Variants in CBLN2 observed in about 807,000 individuals in gnomAD.
CBLN2 encodes the protein cerebellin-2.
In CBLN2, 7 loss-of-function variants were observed where a neutral mutation model predicts 15.0. The observed-to-expected ratio is 0.47, with a 90% confidence interval of 0.27 to 0.88. The LOEUF is 0.88. Among genes scored for constraint, CBLN2 ranks in the 40% least tolerant of loss-of-function variants. The pLI, the probability that CBLN2 is intolerant of heterozygous loss-of-function variation, is 0.14. For synonymous variants in CBLN2, 149 were observed against 135.2 expected, an observed-to-expected ratio of 1.10 and a Z score of -0.71; for missense variants, 242 against 304.5, an observed-to-expected ratio of 0.79 and a Z score of 1.53.
At chr18:72,575,708 C>A (rs933484544) in intron 1 of CBLN2, among the ~76,000 whole-genome samples, 1 of 151,912 alleles carries the variant, frequency 6.6e-6, no homozygotes, top group Non-Finnish European at 1.5e-5. Context: ...AGGATGCAGG[C>A]GATTTTGTTG....
Position 72,574,224 on chromosome 18 carries a change from A to G in CBLN2, c.16-35452T>C, listed in dbSNP as rs372850479. Among the ~76,000 whole-genome samples the G allele has an allele frequency of 5.3e-5, 8 of 152,178 alleles. No homozygotes were observed. In the South Asian group the frequency reaches 1.0e-3, roughly 20 times the overall value. On this transcript the variant is annotated intron_variant, in intron 1 of 2. Transcript: ENST00000581073. ...TGCCTTTTGCAAATATTTTCTTTCA[A>G]TCTGGTCTTTCTTTATGTTCTCTTG...
chr18:72,613,606 G>A (rs1331668890), intron 1 of CBLN2, among the ~76,000 whole-genome samples: 1 of 152,110 alleles, frequency 6.6e-6, no homozygotes. Context: ...ACAATGCTGG[G>A]GTCAGAAGGA....
intron 1 of CBLN2, among the ~76,000 whole-genome samples, chr18:72,614,234 A>C (rs537964715): frequency 1.3e-5 from 2 of 152,308 alleles, no homozygotes; most frequent in Non-Finnish European, 2.9e-5. Flanking sequence ...CTTAAAAGCT[A>C]TTTATACATT....
At chr18:72,609,315 TGTG>T (rs1302813132) in intron 1 of CBLN2, among the ~76,000 whole-genome samples, 1 of 152,012 alleles carries the variant, frequency 6.6e-6, no homozygotes, top group Non-Finnish European at 1.5e-5. Context: ...AAGATATAAT[TGTG>T]GTAAAATGAG....
intron 1 of CBLN2, chr18:72,619,218 T>G: frequency 1.1e-6 from 1 of 929,046 alleles, no homozygotes; most frequent in Non-Finnish European, 1.7e-6. Context: ...TGGCAGAAGA[T>G]TTTAATTACA....
intron 1 of CBLN2, among the ~76,000 whole-genome samples, chr18:72,571,953 A>G (rs1439463392): frequency 6.6e-6 from 1 of 152,206 alleles, no homozygotes; most frequent in Non-Finnish European, 1.5e-5. Flanking sequence ...CTCATATTTT[A>G]TTAGATTATA....
Position 72,542,262 on chromosome 18 carries a change from G to GACGAAGGCCCCCGGA in CBLN2, c.-103_-102insTCCGGGGGCCTTCGT. 4.1e-6 allele frequency: 3 copies of GACGAAGGCCCCCGGA among 727,810 alleles called. No homozygotes were observed. The highest frequency in any genetic ancestry group is 5.4e-6 in the Non-Finnish European group (3 of 555,532). The allele number at this position is 727,810 out of a possible 1,614,324, so 45.1% of individuals were successfully genotyped here. A position where few individuals can be genotyped will look rare whatever the true frequency, so the allele number is the denominator to read the frequency against. On this transcript the variant is annotated 5_prime_UTR_variant, in exon 3 of 5. Coordinates refer to ENST00000269503, the MANE Select transcript of CBLN2 (RefSeq NM_182511.4). ...CGCGGAGCTCGCAGCAGCCTCCGGG[G>GACGAAGGCCCCCGGA]GCCTTCGTCCCCGGCTCTGACGTTC...
chr18:72,542,999 C>A (rs908819132), intron 2 of CBLN2: 8 of 155,260 alleles, frequency 5.2e-5, no homozygotes, highest in Non-Finnish European at 9.9e-5. Flanking sequence ...GTCCCTGCAG[C>A]CACTAGCGAG....
intron 1 of CBLN2, among the ~76,000 whole-genome samples, chr18:72,631,970 G>C (rs534013323): frequency 7.3e-5 from 11 of 151,190 alleles, no homozygotes; most frequent in Non-Finnish European, 1.3e-4. Context: ...ATTAAAATTA[G>C]ACTTATCTCC....
At chr18:72,638,291 C>T (rs957521477) in intron 1 of CBLN2, 6 of 398,444 alleles carry the variant, frequency 1.5e-5, no homozygotes, top group African/African-American at 1.0e-4. Context: ...ATAAAATACT[C>T]ACGTTCTGTC....
chr18:72,581,312 T>C (rs573963962), intron 1 of CBLN2, among the ~76,000 whole-genome samples: 124 of 152,228 alleles, frequency 8.1e-4, no homozygotes, highest in Non-Finnish European at 1.5e-3. Context: ...AGAGTTCCTA[T>C]CTTCTGCAAT....
intron 1 of CBLN2, among the ~76,000 whole-genome samples, chr18:72,636,664 C>G (rs983738278): frequency 5.9e-5 from 9 of 152,124 alleles, no homozygotes; most frequent in African/African-American, 2.2e-4. Flanking sequence ...AGATAACACC[C>G]AACTCTGGCT....
At chr18:72,557,597 C>T (rs2144889019) in intron 1 of CBLN2, among the ~76,000 whole-genome samples, 1 of 152,302 alleles carries the variant, frequency 6.6e-6, no homozygotes, top group East Asian at 1.9e-4. Flanking sequence ...AGATCACGTC[C>T]TTTGAAAGCA....
intron 1 of CBLN2, among the ~76,000 whole-genome samples, chr18:72,608,067 T>C (rs2069595706): frequency 6.6e-6 from 1 of 152,214 alleles, no homozygotes; most frequent in Non-Finnish European, 1.5e-5. Context: ...AGGTTTTTTT[T>C]CTCCCTAAGG....
intron 1 of CBLN2, among the ~76,000 whole-genome samples, chr18:72,552,997 T>C (rs996131459): frequency 6.6e-6 from 1 of 152,222 alleles, no homozygotes; most frequent in African/African-American, 2.4e-5. Flanking sequence ...ACCACATGGA[T>C]GCCTTACTTT....
intron 1 of CBLN2, chr18:72,618,812 A>C (rs2069680125): frequency 2.7e-6 from 2 of 742,002 alleles, no homozygotes; most frequent in Non-Finnish European, 4.9e-6. Context: ...GCCCTGTCAA[A>C]GCAAGAGATG....
In CBLN2 at chr18:72,580,610, TTCA is replaced by T. The variant is rs1369573559; in HGVS notation, c.16-41841_16-41839del. On this transcript the variant is annotated intron_variant, in intron 1 of 2. Transcript: ENST00000581073. Reference sequence around the variant, plus strand: ...ACATATATATATATACATTTTGCCTTTCATCATTTGTTCACATTAAACATGATG... The same window carrying T: ...ACATATATATATATACATTTTGCCTTTCATTTGTTCACATTAAACATGATG... Among the ~76,000 whole-genome samples the T allele has an allele frequency of 3.3e-5, 5 of 152,340 alleles. No homozygotes were observed. The East Asian group carries it at 7.7e-4, about 23-fold the overall frequency.
chr18:72,580,075 C>CT (rs1192089892), intron 1 of CBLN2, among the ~76,000 whole-genome samples: 1 of 148,548 alleles, frequency 6.7e-6, no homozygotes, highest in African/African-American at 2.4e-5. Flanking sequence ...AGTGCAACTA[C>CT]TTTTTTCCAA....
chr18:72,584,674 T>G (rs1461704800), intron 1 of CBLN2, among the ~76,000 whole-genome samples: 1 of 152,224 alleles, frequency 6.6e-6, no homozygotes, highest in African/African-American at 2.4e-5. Context: ...ATTGTTTATT[T>G]TATTTGTTAC....
Sources: allele counts gnomAD v4.1 joint callset (sites outside exome capture counted in the v4.1 genomes callset), GRCh38; gene constraint gnomAD v4.1.1; transcripts MANE v1.5; gene names NCBI Gene and HGNC (gene_info 2026-07-23, HGNC 2026-07-21).